LRRTM3: variants seen among roughly 807,000 people sequenced by gnomAD.
The protein encoded by LRRTM3 is leucine-rich repeat transmembrane neuronal protein 3.
Under a neutral mutation model 44.7 loss-of-function variants are expected in LRRTM3, and 24 were observed. That is an observed-to-expected ratio of 0.54 (90% CI 0.39 to 0.76). The LOEUF (loss-of-function observed/expected upper bound fraction) is 0.76, where lower values mean the gene tolerates loss of function less well. Ranked by LOEUF, LRRTM3 falls within the 30% of genes least tolerant of loss-of-function variation. LRRTM3 has a pLI of 0.00. For missense variants in LRRTM3, 587 were observed against 702.2 expected, an observed-to-expected ratio of 0.84 and a Z score of 1.85; for synonymous variants, 277 against 278.7, an observed-to-expected ratio of 0.99 and a Z score of 0.06.
intron 2 of LRRTM3, among the ~76,000 whole-genome samples, chr10:67,087,344 A>G (rs1857362447): frequency 6.6e-6 from 1 of 152,034 alleles, no homozygotes; most frequent in South Asian, 2.1e-4. Context: ...AGGAAGCACT[A>G]AAGAATTTGA....
intron 2 of LRRTM3, among the ~76,000 whole-genome samples, chr10:66,984,102 T>C (rs1196893084): frequency 6.6e-6 from 1 of 152,206 alleles, no homozygotes; most frequent in Non-Finnish European, 1.5e-5. Flanking sequence ...AGTAAATAGT[T>C]ATTGAGCACC....
intron 2 of LRRTM3, among the ~76,000 whole-genome samples, chr10:67,011,068 G>A (rs866391081): frequency 1.6e-4 from 25 of 152,006 alleles, no homozygotes; most frequent in South Asian, 6.2e-4. Flanking sequence ...GGTGGCTCAC[G>A]CCTGTAATCC....
chr10:67,042,785 C>A (rs1854484621), intron 2 of LRRTM3, among the ~76,000 whole-genome samples: 1 of 152,002 alleles, frequency 6.6e-6, no homozygotes. Context: ...ACAAAGAAGT[C>A]CATGGTGTCA....
intron 2 of LRRTM3, among the ~76,000 whole-genome samples, chr10:67,048,993 ATAGT>A (rs1321328542): frequency 1.3e-5 from 2 of 149,632 alleles, no homozygotes; most frequent in Non-Finnish European, 3.0e-5. Context: ...TTCTTTTAAC[ATAGT>A]TATTTTATAG....
rs143680123 is a variant in LRRTM3 at position 67,098,947 on chromosome 10, T to G, written c.*1151T>G. Reference sequence around the variant, plus strand: ...TTCAAAGGAAACATATGAATTTGTTTTGCGTTGTGCACTACATCATTTCTC... The same window carrying G: ...TTCAAAGGAAACATATGAATTTGTTGTGCGTTGTGCACTACATCATTTCTC... On this transcript the variant is annotated 3_prime_UTR_variant, in exon 3 of 3. Coordinates refer to ENST00000361320, the MANE Select transcript of LRRTM3 (RefSeq NM_178011.5). The G allele has an allele frequency of 6.6e-6, 1 of 152,010 alleles. No individual in the cohort carries two copies. The highest frequency in any genetic ancestry group is 1.9e-4 in the East Asian group (1 of 5,156). The allele number at this position is 152,010 out of a possible 1,614,324, so 9.4% of individuals were successfully genotyped here. A position where few individuals can be genotyped will look rare whatever the true frequency, so the allele number is the denominator to read the frequency against.
chr10:67,047,952 T>C (rs1854854044), intron 2 of LRRTM3, among the ~76,000 whole-genome samples: 1 of 152,094 alleles, frequency 6.6e-6, no homozygotes, highest in African/African-American at 2.4e-5. Flanking sequence ...ATAAGCTTTC[T>C]GAAGTGGGAA....
intron 2 of LRRTM3, among the ~76,000 whole-genome samples, chr10:66,950,850 G>A (rs1848502595): frequency 6.6e-6 from 1 of 152,090 alleles, no homozygotes; most frequent in Admixed American, 6.6e-5. Flanking sequence ...CACAGTGCAG[G>A]GAGTTTGGTC....
At chr10:67,012,244 AAGGGATCATCT>A (rs1320795419) in intron 2 of LRRTM3, 1 of 152,182 alleles carries the variant, frequency 6.6e-6, no homozygotes, top group East Asian at 1.9e-4. Flanking sequence ...TCAGAGCTGA[AAGGGATCATCT>A]AGTCCAACCC....
intron 2 of LRRTM3, among the ~76,000 whole-genome samples, chr10:66,962,384 G>GT (rs577757295): frequency 5.4e-5 from 8 of 149,424 alleles, no homozygotes; most frequent in South Asian, 4.3e-4. Context: ...ACTCCTCTAA[G>GT]TTTTTTTTTG....
At chr10:67,058,027 C>T (rs146795464) in intron 2 of LRRTM3, among the ~76,000 whole-genome samples, 12 of 152,278 alleles carry the variant, frequency 7.9e-5, no homozygotes, top group African/African-American at 2.9e-4. Flanking sequence ...ATCATAGACA[C>T]ACCTAGAAAA....
intron 2 of LRRTM3, among the ~76,000 whole-genome samples, chr10:66,960,842 A>G (rs1264897584): frequency 1.3e-5 from 2 of 152,172 alleles, no homozygotes; most frequent in South Asian, 2.1e-4. Context: ...GAATAGTGAC[A>G]GTGTTGATAA....
At chr10:66,973,639 G>C (rs1849855533) in intron 2 of LRRTM3, among the ~76,000 whole-genome samples, 1 of 152,132 alleles carries the variant, frequency 6.6e-6, no homozygotes, top group South Asian at 2.1e-4. Context: ...TACTTATTTT[G>C]TTTCAAGACG....
intron 2 of LRRTM3, among the ~76,000 whole-genome samples, chr10:67,066,588 T>C (rs1856106685): frequency 6.7e-6 from 1 of 148,620 alleles, no homozygotes; most frequent in Non-Finnish European, 1.5e-5. Flanking sequence ...AGCCAAAATA[T>C]CAAGTCTAGA....
At chr10:67,068,184 G>T (rs1856207874) in intron 2 of LRRTM3, among the ~76,000 whole-genome samples, 1 of 152,042 alleles carries the variant, frequency 6.6e-6, no homozygotes, top group Admixed American at 6.6e-5. Flanking sequence ...AAGGGGGGAA[G>T]GATATATAAT....
chr10:67,041,974 T>C (rs138255370), intron 2 of LRRTM3, among the ~76,000 whole-genome samples: 2 of 152,158 alleles, frequency 1.3e-5, no homozygotes, highest in East Asian at 3.9e-4. Flanking sequence ...ATTGGGCATA[T>C]ATAGTAGTTT....
intron 2 of LRRTM3, among the ~76,000 whole-genome samples, chr10:67,058,846 A>G (rs1412976022): frequency 6.6e-6 from 1 of 152,206 alleles, no homozygotes; most frequent in East Asian, 1.9e-4. Flanking sequence ...TCTTAGACAC[A>G]TATCAATTTC....
chr10:66,954,923 T>C (rs1026417381), intron 2 of LRRTM3, among the ~76,000 whole-genome samples: 7 of 152,178 alleles, frequency 4.6e-5, no homozygotes, highest in African/African-American at 1.7e-4. Context: ...TTTGTGCAGT[T>C]TTCTCATATA....
In LRRTM3 at chr10:66,926,431, T is replaced by C; in HGVS notation, c.-153T>C. On this transcript the variant is annotated 5_prime_UTR_variant, in exon 1 of 3. Coordinates refer to ENST00000361320, the MANE Select transcript of LRRTM3 (RefSeq NM_178011.5). ...CTGCGTGGCTGGCAAAGAATAATGT[T>C]CCAAAATCGGTCCATCTCCCAAGGG... The C allele has an allele frequency of 1.3e-6, 1 of 755,678 alleles. No homozygotes were observed. The highest frequency in any genetic ancestry group is 2.3e-6 in the Non-Finnish European group (1 of 433,646). The allele number at this position is 755,678 out of a possible 1,614,324, so 46.8% of individuals were successfully genotyped here. A position where few individuals can be genotyped will look rare whatever the true frequency, so the allele number is the denominator to read the frequency against.
At chr10:67,093,279 G>A (rs964232818) in intron 2 of LRRTM3, among the ~76,000 whole-genome samples, 1 of 151,836 alleles carries the variant, frequency 6.6e-6, no homozygotes, top group Non-Finnish European at 1.5e-5. Context: ...GACACTTAGG[G>A]TAACTGTTTA....
Sources: allele counts gnomAD v4.1 joint callset (sites outside exome capture counted in the v4.1 genomes callset), GRCh38; gene constraint gnomAD v4.1.1; transcripts MANE v1.5; gene names NCBI Gene and HGNC (gene_info 2026-07-23, HGNC 2026-07-21).